Variants in LRPPRC observed in about 807,000 individuals in gnomAD.
LRPPRC encodes leucine rich pentatricopeptide repeat containing, also known as leucine-rich PPR motif-containing protein, mitochondrial.
In LRPPRC, 120 loss-of-function variants were observed where a neutral mutation model predicts 180.3. The observed-to-expected ratio is 0.67, with a 90% CI of 0.57 to 0.77. The LOEUF (loss-of-function observed/expected upper bound fraction) is 0.77, where lower values mean the gene tolerates loss of function less well. Among genes scored for constraint, LRPPRC ranks in the 30% least tolerant of loss-of-function variants. LRPPRC has a pLI of 0.00. For synonymous variants in LRPPRC, 723 were observed against 600.0 expected (o/e 1.21, Z -3.00); for missense variants, 2,012 against 1,657.2 (o/e 1.21, Z -3.72).
intron 12 of LRPPRC, 63 bp from the exon 13 acceptor site, chr2:43,960,697 G>C (rs1673314183): frequency 8.6e-6 from 7 of 817,656 alleles, no homozygotes; most frequent in Non-Finnish European, 1.5e-5. Flanking sequence ...ATAAGCCAAA[G>C]ATCCTGTTTT....
chr2:43,947,985 T>G, intron 18 of LRPPRC, 137 bp downstream of exon 18: 2 of 682,264 alleles, frequency 2.9e-6, no homozygotes, highest in African/African-American at 1.8e-5. Context: ...GAACAATCAA[T>G]GAAAAGCTTC....
intron 23 of LRPPRC, among the ~76,000 whole-genome samples, chr2:43,935,865 C>G (rs960708802): frequency 3.9e-5 from 6 of 152,222 alleles, no homozygotes; most frequent in African/African-American, 1.4e-4. Context: ...GTAATCCCAG[C>G]ACTTTGGGAG....
At chr2:43,917,190 A>G (rs1275661778) in intron 29 of LRPPRC, among the ~76,000 whole-genome samples, 1 of 151,386 alleles carries the variant, frequency 6.6e-6, no homozygotes, top group Non-Finnish European at 1.5e-5. Context: ...ACAGGCATGC[A>G]CCAACATGCC....
At chr2:43,993,555 G>T (rs1245504992) in intron 1 of LRPPRC, among the ~76,000 whole-genome samples, 2 of 152,106 alleles carry the variant, frequency 1.3e-5, no homozygotes, top group East Asian at 1.9e-4. Context: ...TCCAGGAAAG[G>T]TTCTGTGTTT....
chr2:43,912,319 C>T, intron 30 of LRPPRC, 113 bp downstream of exon 30: 1 of 910,524 alleles, frequency 1.1e-6, no homozygotes, highest in African/African-American at 1.7e-5. Context: ...TTATGGGTAG[C>T]TGAGGCCAAT....
intron 23 of LRPPRC, among the ~76,000 whole-genome samples, chr2:43,939,686 G>C (rs914326178): frequency 6.6e-6 from 1 of 152,124 alleles, no homozygotes; most frequent in Non-Finnish European, 1.5e-5. Flanking sequence ...CTATAAATGA[G>C]GAATCTTCAA....
chr2:43,989,536 TA>T (rs1381740189), intron 1 of LRPPRC, among the ~76,000 whole-genome samples: 1 of 152,242 alleles, frequency 6.6e-6, no homozygotes, highest in Non-Finnish European at 1.5e-5. Flanking sequence ...TGAGATCTTC[TA>T]TGTTTACTTA....
chr2:43,964,241 T>A (rs965485561), intron 11 of LRPPRC, among the ~76,000 whole-genome samples: 1 of 148,864 alleles, frequency 6.7e-6, no homozygotes, highest in South Asian at 2.1e-4. Flanking sequence ...TAAAACTAAC[T>A]TAAAAATCAA....
At chr2:43,955,657 T>C (rs1340910792) in intron 14 of LRPPRC, among the ~76,000 whole-genome samples, 1 of 151,988 alleles carries the variant, frequency 6.6e-6, no homozygotes, top group Non-Finnish European at 1.5e-5. Context: ...GGAGGATCGC[T>C]TGAGCCCGGG....
chr2:43,930,257 G>A (rs978332143), intron 25 of LRPPRC, among the ~76,000 whole-genome samples: 5 of 151,542 alleles, frequency 3.3e-5, no homozygotes, highest in African/African-American at 1.2e-4. Flanking sequence ...AGTCAAGAAA[G>A]AGGAATTCCG....
intron 24 of LRPPRC, 101 bp downstream of exon 24, chr2:43,934,653 G>GA: frequency 1.0e-6 from 1 of 970,540 alleles, no homozygotes; most frequent in Non-Finnish European, 1.6e-6. Flanking sequence ...AAGTTTATCT[G>GA]AATGTGCTGG....
At chr2:43,911,806 C>T (rs1408276239) in intron 30 of LRPPRC, among the ~76,000 whole-genome samples, 1 of 152,062 alleles carries the variant, frequency 6.6e-6, no homozygotes, top group Non-Finnish European at 1.5e-5. Flanking sequence ...GGATTACGGG[C>T]ATGAGCCACC....
intron 27 of LRPPRC, among the ~76,000 whole-genome samples, chr2:43,922,694 G>A (rs1671741104): frequency 6.6e-6 from 1 of 152,140 alleles, no homozygotes; most frequent in Non-Finnish European, 1.5e-5. Flanking sequence ...GGGAGGCGGA[G>A]CTTGCAGTGA....
At chr2:43,939,222 A>C (rs1445162544) in intron 23 of LRPPRC, among the ~76,000 whole-genome samples, 8 of 151,860 alleles carry the variant, frequency 5.3e-5, no homozygotes. Flanking sequence ...CGGAGCTTGC[A>C]GTGAGCCAAG....
intron 27 of LRPPRC, among the ~76,000 whole-genome samples, chr2:43,920,878 C>T (rs1435769180): frequency 2.0e-5 from 3 of 152,124 alleles, no homozygotes; most frequent in African/African-American, 7.2e-5. Flanking sequence ...ATCTACAACT[C>T]CGTGCCTTTA....
intron 1 of LRPPRC, among the ~76,000 whole-genome samples, chr2:43,986,289 C>T (rs1034487667): frequency 6.6e-6 from 1 of 152,154 alleles, no homozygotes; most frequent in Admixed American, 6.5e-5. Flanking sequence ...ACCACCATGC[C>T]CGACTAATTT....
intron 15 of LRPPRC, 137 bp downstream of exon 15, chr2:43,950,436 T>G: frequency 1.3e-6 from 1 of 751,110 alleles, no homozygotes; most frequent in Middle Eastern, 2.4e-4. Flanking sequence ...AACTATTATT[T>G]TTCAACATTA....
At chr2:43,918,810 GATAT>G (rs1315193377) in intron 27 of LRPPRC, among the ~76,000 whole-genome samples, 1 of 121,838 alleles carries the variant, frequency 8.2e-6, no homozygotes, top group Non-Finnish European at 1.6e-5. Context: ...TATATATATA[GATAT>G]ATATATATCT....
intron 37 of LRPPRC, among the ~76,000 whole-genome samples, chr2:43,889,447 T>C (rs1219080356): frequency 2.0e-5 from 3 of 152,056 alleles, no homozygotes; most frequent in South Asian, 4.1e-4. Context: ...TTAAATCCTA[T>C]TTCAAGTTGA....
Sources: gnomAD v4.1 joint callset for allele counts (sites outside exome capture counted in the v4.1 genomes callset) on GRCh38, gnomAD v4.1.1 for gene constraint, MANE v1.5 for transcripts, NCBI Gene and HGNC (gene_info 2026-07-23, HGNC 2026-07-21) for gene names.